Variants in MYRIP observed in about 807,000 individuals in gnomAD.
MYRIP encodes myosin VIIA and Rab interacting protein.
A neutral mutation model predicts 98.0 loss-of-function variants in MYRIP; 49 were observed. The observed-to-expected ratio is 0.50, with a 90% CI of 0.40 to 0.63. The LOEUF is 0.63. Among genes scored for constraint, MYRIP ranks in the 30% least tolerant of loss-of-function variants. MYRIP has a pLI of 0.00. For synonymous variants in MYRIP, 404 were observed against 409.5 expected (o/e 0.99, Z 0.16); for missense variants, 1,004 against 1,058.2 (o/e 0.95, Z 0.71).
chr3:39,909,969 C>T (rs1943979923), intron 2 of MYRIP, among the ~76,000 whole-genome samples: 1 of 151,354 alleles, frequency 6.6e-6, no homozygotes, highest in Non-Finnish European at 1.5e-5. Flanking sequence ...CAGCTCACTG[C>T]AACCTCTGCT....
Position 40,182,317 on chromosome 3 carries a change from C to G in MYRIP, c.971C>G (p.Pro324Arg), listed in dbSNP as rs144807590. ...SRQPRDQGQHPRAESALPSWK... is the reference protein window; with the variant it reads ...SRQPRDQGQHRRAESALPSWK... ...CAGCCAAGGGACCAAGGCCAACACC[C>G]GAGAGCAGAGTCTGCTCTGCCCAGC... The change falls in exon 9 of 17, where the codon CCG (proline) becomes CGG (arginine). Residue 324 changes from proline to arginine, a missense_variant. Coordinates refer to ENST00000302541, the MANE Select transcript of MYRIP (RefSeq NM_015460.4). 9.3e-6 allele frequency: 15 copies of G among 1,613,944 alleles called. No homozygotes were observed. In the Middle Eastern group the frequency reaches 5.0e-4, roughly 53 times the overall value.
At chr3:40,218,617 TATATATATATATA>T (rs1559460399) in intron 11 of MYRIP, among the ~76,000 whole-genome samples, 235 of 10,942 alleles carry the variant, frequency 0.021, 8 homozygotes, top group Non-Finnish European at 0.048. Flanking sequence ...ATATTTTATA[TATATATATATATA>T]TATATATATA....
chr3:39,928,791 C>T (rs1031668071), intron 2 of MYRIP, among the ~76,000 whole-genome samples: 1 of 151,938 alleles, frequency 6.6e-6, no homozygotes, highest in African/African-American at 2.4e-5. Context: ...GATGTCTACT[C>T]TCTCCACTCT....
In MYRIP at chr3:40,167,180, T is replaced by C; in HGVS notation, c.670T>C (p.Tyr224His). The stretch of plus-strand genomic sequence containing the variant: ...TCAGGACAAGCAAAATGAGGCCAGT[T>C]ACCTGCGGGACCACAAGGAGGAGCT... ...DSLDKQNEAS[Y>H]LRDHKEELTE... The change falls in exon 7 of 17, where the codon TAC becomes CAC. Residue 224 changes from tyrosine to histidine, a missense_variant. By Grantham distance (83) the Tyr-to-His change is moderately conservative. Transcript: ENST00000302541. The C allele has an allele frequency of 6.2e-7, 1 of 1,614,098 alleles. No individual in the cohort carries two copies. Among genetic ancestry groups the C allele is most frequent in the South Asian group, 1.1e-5 (1 of 91,072 alleles).
At chr3:40,113,345 G>A (rs371410406) in intron 3 of MYRIP, among the ~76,000 whole-genome samples, 10 of 152,188 alleles carry the variant, frequency 6.6e-5, no homozygotes, top group South Asian at 2.1e-4. Context: ...GGGTTTTACC[G>A]TGTTGGCCAG....
intron 3 of MYRIP, among the ~76,000 whole-genome samples, chr3:40,102,056 G>A (rs1948955328): frequency 1.3e-5 from 2 of 152,164 alleles, no homozygotes; most frequent in Admixed American, 1.3e-4. Context: ...TCTCCTACTG[G>A]GGATGTAGGT....
intron 12 of MYRIP, among the ~76,000 whole-genome samples, chr3:40,238,119 C>T (rs1053662109): frequency 6.6e-6 from 1 of 152,240 alleles, no homozygotes; most frequent in African/African-American, 2.4e-5. Flanking sequence ...CCCCTCATGC[C>T]TCTCCTGTTC....
chr3:40,014,075 G>A (rs958164032), intron 2 of MYRIP, among the ~76,000 whole-genome samples: 1 of 152,190 alleles, frequency 6.6e-6, no homozygotes, highest in African/African-American at 2.4e-5. Flanking sequence ...TATACTTGAT[G>A]TTTAGGAGGA....
intron 2 of MYRIP, among the ~76,000 whole-genome samples, chr3:39,953,364 A>T (rs1345632572): frequency 1.3e-5 from 2 of 152,162 alleles, no homozygotes; most frequent in Non-Finnish European, 2.9e-5. Context: ...TAGTTTTAAA[A>T]ATCATTCACT....
At chr3:40,203,264 G>A (rs1951621655) in intron 10 of MYRIP, among the ~76,000 whole-genome samples, 1 of 151,950 alleles carries the variant, frequency 6.6e-6, no homozygotes. Flanking sequence ...TGTTTCTTAA[G>A]CTGAAGAATT....
chr3:40,034,886 T>C (rs1204466820), intron 2 of MYRIP, among the ~76,000 whole-genome samples: 1 of 151,408 alleles, frequency 6.6e-6, no homozygotes, highest in Admixed American at 6.6e-5. Flanking sequence ...TGGAATACTA[T>C]GCAGCCATAA....
intron 3 of MYRIP, among the ~76,000 whole-genome samples, chr3:40,122,863 T>C (rs1265317039): frequency 6.6e-6 from 1 of 152,044 alleles, no homozygotes; most frequent in African/African-American, 2.4e-5. Flanking sequence ...CACAATAAAG[T>C]AGATATATTT....
chr3:40,217,903 CTA>C (rs1477346488), intron 11 of MYRIP, among the ~76,000 whole-genome samples: 2 of 152,072 alleles, frequency 1.3e-5, no homozygotes, highest in Non-Finnish European at 1.5e-5. Flanking sequence ...GAAAACAAAA[CTA>C]TGATGACTTT....
At chr3:40,252,116 T>A in intron 16 of MYRIP, 117 bp downstream of exon 16, 1 of 753,464 alleles carries the variant, frequency 1.3e-6, no homozygotes. Context: ...CCTTCCTCCG[T>A]GGTCTTATGG....
chr3:40,224,118 C>A (rs1038622622), intron 11 of MYRIP, among the ~76,000 whole-genome samples: 1 of 152,018 alleles, frequency 6.6e-6, no homozygotes, highest in African/African-American at 2.4e-5. Flanking sequence ...GAGGTGAGGG[C>A]AGGGGCTAGA....
At chr3:39,965,075 A>G (rs1487152505) in intron 2 of MYRIP, among the ~76,000 whole-genome samples, 4 of 152,104 alleles carry the variant, frequency 2.6e-5, no homozygotes, top group African/African-American at 4.8e-5. Context: ...ATGTACAAGT[A>G]TAGAGCAGTA....
intron 3 of MYRIP, among the ~76,000 whole-genome samples, chr3:40,125,795 T>C (rs1170340968): frequency 6.6e-6 from 1 of 152,126 alleles, no homozygotes; most frequent in Non-Finnish European, 1.5e-5. Context: ...TTCTCGCTAT[T>C]TGTCAGCTCC....
intron 3 of MYRIP, among the ~76,000 whole-genome samples, chr3:40,148,651 T>C (rs1249238481): frequency 6.6e-6 from 1 of 152,260 alleles, no homozygotes; most frequent in Non-Finnish European, 1.5e-5. Flanking sequence ...TTTCAAATCA[T>C]TATGGACATT....
intron 2 of MYRIP, among the ~76,000 whole-genome samples, chr3:40,001,560 A>G (rs1312197216): frequency 6.6e-6 from 1 of 152,236 alleles, no homozygotes; most frequent in Admixed American, 6.5e-5. Context: ...TTAGAGAACC[A>G]CATAATAGTA....
Sources: allele counts gnomAD v4.1 joint callset (sites outside exome capture counted in the v4.1 genomes callset), GRCh38; gene constraint gnomAD v4.1.1; transcripts MANE v1.5; gene names NCBI Gene and HGNC (gene_info 2026-07-23, HGNC 2026-07-21).